Variants in MATR3 observed in about 807,000 individuals in gnomAD.
The protein encoded by MATR3 is matrin-3.
A neutral mutation model predicts 85.5 loss-of-function variants in MATR3; 4 were observed. The observed-to-expected ratio is 0.05, with a 90% CI of 0.02 to 0.11. MATR3 has a LOEUF of 0.11. Among genes scored for constraint, MATR3 ranks in the 10% least tolerant of loss-of-function variants. MATR3 has a pLI of 1.00. For synonymous variants in MATR3, 336 were observed against 343.1 expected (o/e 0.98, Z 0.23); for missense variants, 685 against 1,016.1 (o/e 0.67, Z 4.43).
Position 139,329,329 on chromosome 5 carries a change from TTC to T in MATR3, c.2494-12_2494-11del, listed in dbSNP as rs756391139. ...CTCTTAGGTGACTTAATGGCTGTAA[TTC>T]TCTTTCTTTATAGAAATTTCTGAAT... On this transcript the variant is annotated splice_polypyrimidine_tract_variant and intron_variant, in intron 14 of 14. Transcript: ENST00000394805. The T allele has an allele frequency of 7.4e-5, 118 of 1,600,996 alleles. No homozygotes were observed. The highest frequency in any genetic ancestry group is 1.7e-4 in the Middle Eastern group (1 of 6,044).
At chr5:139,300,477 T>C (rs1463046120) in intron 1 of MATR3, among the ~76,000 whole-genome samples, 2 of 152,224 alleles carry the variant, frequency 1.3e-5, no homozygotes, top group Non-Finnish European at 2.9e-5. Context: ...ATAAAAAGTT[T>C]ATAAGCTCTT....
chr5:139,326,040 C>T, intron 13 of MATR3, 123 bp from the exon 14 acceptor site: 1 of 904,608 alleles, frequency 1.1e-6, no homozygotes, highest in Admixed American at 2.6e-5. Flanking sequence ...TGTTTTTTAT[C>T]TTAGGCTGTA....
intron 9 of MATR3, among the ~76,000 whole-genome samples, chr5:139,320,743 C>CTTTTTTTTTTTTT (rs1175972721): frequency 9.8e-6 from 1 of 102,420 alleles, no homozygotes; most frequent in African/African-American, 4.8e-5. Context: ...AAGCTTATTA[C>CTTTTTTTTTTTTT]TTTTTTTTTT....
rs1343841686 is a variant in MATR3 at position 139,308,245 on chromosome 5, A to G, written c.830A>G (p.Asn277Ser). ...EKKRGAPPSS[N>S]IEDFHGLLPK... Reference sequence around the variant, plus strand: ...AAGAGAGGCGCTCCTCCAAGTAGCAATATTGAAGACTTCCATGGACTCTTA... The same window carrying G: ...AAGAGAGGCGCTCCTCCAAGTAGCAGTATTGAAGACTTCCATGGACTCTTA... The change falls in exon 2 of 15, where the codon AAT becomes AGT. Residue 277 changes from asparagine (N) to serine (S), a missense_variant. Physicochemically the swap from Asn to Ser is conservative, Grantham distance 46. This residue lies in a region of MATR3 where 223 missense variants were observed against 334.4 expected (regional missense o/e 0.67). Coordinates refer to ENST00000394805, the MANE Select transcript of MATR3 (RefSeq NM_018834.6). 3 of 1,614,124 alleles carry G rather than the reference A, an allele frequency of 1.9e-6. No homozygotes were observed. The highest frequency in any genetic ancestry group is 2.5e-6 in the Non-Finnish European group (3 of 1,180,010).
Position 139,307,680 on chromosome 5 carries a change from A to T in MATR3, c.265A>T (p.Ile89Phe), listed in dbSNP as rs528548235. Residue 89 changes from isoleucine (I) to phenylalanine (F), a missense_variant, in exon 2 of 15, where the codon ATT becomes TTT. Coordinates refer to ENST00000394805, the MANE Select transcript of MATR3 (RefSeq NM_018834.6). The surrounding 1 kb of genome is among the most constrained non-coding windows in gnomAD (Gnocchi z 4.4). Reference sequence around the variant, plus strand: ...CCATAATTTGCAGTCTATATTTAACATTGGAAGTAGAGGTCCACTCCCTTT... The same window carrying T: ...CCATAATTTGCAGTCTATATTTAACTTTGGAAGTAGAGGTCCACTCCCTTT... Reference protein sequence around the residue: ...SSHNLQSIFNIGSRGPLPLSS... With the variant: ...SSHNLQSIFNFGSRGPLPLSS... 1 of 1,614,116 alleles carries T rather than the reference A, an allele frequency of 6.2e-7. No homozygotes were observed. Among genetic ancestry groups the T allele is most frequent in the Non-Finnish European group, 8.5e-7 (1 of 1,180,002 alleles).
chr5:139,289,083 ACAT>A (rs1325626811), upstream of MATR3, among the ~76,000 whole-genome samples: 5 of 152,184 alleles, frequency 3.3e-5, no homozygotes, highest in African/African-American at 7.2e-5. Context: ...CACCCGGCCA[ACAT>A]CATGAGGGAA....
At chr5:139,319,220 A>G in intron 8 of MATR3, 114 bp from the exon 9 acceptor site, 2 of 1,333,096 alleles carry the variant, frequency 1.5e-6, no homozygotes, top group South Asian at 1.2e-5. Flanking sequence ...CCTGGGCAAC[A>G]TAGCAAGACC....
chr5:139,307,471 G>A lies in MATR3; in HGVS notation c.56G>A (p.Arg19His), dbSNP rs757397034. ...AGTAGGGACTCACAGGGTCATGGGC[G>A]TGACCTGTCTGCGGCAGGAATAGGC... The part of the protein sequence containing the change: ...SLSRDSQGHG[R>H]DLSAAGIGLL... The change falls in exon 2 of 15, where the codon CGT (arginine) becomes CAT (histidine). Residue 19 changes from arginine (R) to histidine (H), a missense_variant. Physicochemically the swap from Arg to His is conservative, Grantham distance 29. Around this residue, in one of 9 missense-constraint regions of MATR3, gnomAD observed 30 missense variants for 69.5 expected, o/e 0.43. Transcript: ENST00000394805. The surrounding 1 kb of genome is among the most constrained non-coding windows in gnomAD (Gnocchi z 4.4). 2 of 1,614,022 alleles carry A rather than the reference G, an allele frequency of 1.2e-6. No individual in the cohort carries two copies. Among genetic ancestry groups the A allele is most frequent in the Non-Finnish European group, 8.5e-7 (1 of 1,179,992 alleles).
At position 139,330,185 on chromosome 5, in the gene MATR3, C is replaced by CGA. The variant is rs1162673845; in HGVS notation, c.*790_*791insGA. 4.4e-6 allele frequency: 2 copies of CGA among 454,256 alleles called. No individual in the cohort carries two copies. The highest frequency in any genetic ancestry group is 8.8e-6 in the Non-Finnish European group (2 of 226,702). The allele number at this position is 454,256 out of a possible 1,614,324, so 28.1% of individuals were successfully genotyped here. On this transcript the variant is annotated 3_prime_UTR_variant, in exon 15 of 15. Coordinates refer to ENST00000394805, the MANE Select transcript of MATR3 (RefSeq NM_018834.6). ...TTTTGAAGTGTGTAGACCATCTCTT[C>CGA]ATATTTTCAAGATGTAATTTTACAT...
At chr5:139,289,818 TGA>T (rs1753815488), upstream of MATR3, among the ~76,000 whole-genome samples, 1 of 152,242 alleles carries the variant, frequency 6.6e-6, no homozygotes, top group African/African-American at 2.4e-5. Flanking sequence ...TTTTCTGCAT[TGA>T]GTACTTTTTG....
intron 3 of MATR3, among the ~76,000 whole-genome samples, chr5:139,286,965 GTTTTA>G (rs1353787161): frequency 1.3e-5 from 2 of 152,070 alleles, no homozygotes; most frequent in Admixed American, 6.6e-5. Flanking sequence ...CTTTTATTTT[GTTTTA>G]TTTTGTTTAC....
intron 12 of MATR3, chr5:139,325,165 C>T: frequency 7.7e-7 from 1 of 1,296,908 alleles, no homozygotes; most frequent in South Asian, 1.6e-5. Flanking sequence ...TGCACCCCAG[C>T]CTGGTCGACA....
chr5:139,330,299 T>G lies in MATR3; in HGVS notation c.*904T>G, dbSNP rs1447447704. 2.2e-6 allele frequency: 1 copy of G among 453,678 alleles called. No homozygotes were observed. The highest frequency in any genetic ancestry group is 2.4e-5 in the Admixed American group (1 of 42,432). 28.1% of individuals were successfully genotyped at this position (453,678 alleles called of 1,614,324 possible). ...ACATGTGACCTTTGTGAACAGAAAT[T>G]TGCATGTATAATTTGTGTTTACTTG... On this transcript the variant is annotated 3_prime_UTR_variant, in exon 15 of 15. Coordinates refer to ENST00000394805, the MANE Select transcript of MATR3 (RefSeq NM_018834.6).
chr5:139,316,364 G>T (rs1755243585), intron 5 of MATR3, among the ~76,000 whole-genome samples, 176 bp downstream of exon 5: 1 of 152,132 alleles, frequency 6.6e-6, no homozygotes, highest in Non-Finnish European at 1.5e-5. Flanking sequence ...TCCTGCTTCA[G>T]CCTACCGAGT....
At chr5:139,306,787 T>C (rs1281501581) in intron 1 of MATR3, among the ~76,000 whole-genome samples, 2 of 152,204 alleles carry the variant, frequency 1.3e-5, no homozygotes, top group Non-Finnish European at 2.9e-5. Context: ...CTTGGTTCTT[T>C]CTGATAGTGA....
rs527483087 is a variant in MATR3, at chr5:139,321,880, C to T, written c.1603-18C>T. 2.5e-6 allele frequency: 4 copies of T among 1,611,032 alleles called. No homozygotes were observed. The African/African-American group carries it at 4.0e-5, about 16-fold the overall frequency. On this transcript the variant is annotated intron_variant, in intron 9 of 14. Coordinates refer to ENST00000394805, the MANE Select transcript of MATR3 (RefSeq NM_018834.6). ...TAAAATATAATGTGCTTTGTGGTTT[C>T]TTTTCTTTCTTTTTAAGGCTTTTAT...
At chr5:139,279,080 A>C (rs778003922) in exon 3 of MATR3, 30 of 458,784 alleles carry the variant, frequency 6.5e-5, no homozygotes, top group Non-Finnish European at 1.2e-4. Context: ...ATCTACCTCC[A>C]TCAGGACCCC....
intron 1 of MATR3, among the ~76,000 whole-genome samples, chr5:139,303,744 CTG>C (rs899158657): frequency 3.9e-5 from 6 of 151,982 alleles, no homozygotes; most frequent in Non-Finnish European, 7.4e-5. Flanking sequence ...GAGTCAGACA[CTG>C]TCTTTTTTTT....
rs1756135504 is a variant in MATR3, at chr5:139,331,282, T to G, written c.*1887T>G. ...ATCCTTGCCAGTTTACTTCTGCAAT[T>G]TAATTTTAGCCTTTACTAATTACCC... On this transcript the variant is annotated 3_prime_UTR_variant, in exon 15 of 15. Transcript: ENST00000394805. 4.4e-6 allele frequency: 2 copies of G among 454,036 alleles called. No individual in the cohort carries two copies. The highest frequency in any genetic ancestry group is 4.0e-5 in the African/African-American group (2 of 50,024). 28.1% of individuals were successfully genotyped at this position (454,036 alleles called of 1,614,324 possible).
Sources: gnomAD v4.1 joint callset for allele counts (sites outside exome capture counted in the v4.1 genomes callset) on GRCh38, gnomAD v4.1.1 for gene constraint, gnomAD v4.1.1 regional missense constraint, Gnocchi (gnomAD v3.1) non-coding constraint, MANE v1.5 for transcripts, NCBI Gene and HGNC (gene_info 2026-07-23, HGNC 2026-07-21) for gene names.